Variants in CCDC125 observed in about 807,000 individuals in gnomAD.
The protein encoded by CCDC125 is coiled-coil domain-containing protein 125.
Under a neutral mutation model 57.4 loss-of-function variants are expected in CCDC125, and 43 were observed. The ratio of observed to expected loss-of-function variants is 0.75; its 90% CI spans 0.59 to 0.97. CCDC125 has a LOEUF of 0.97. Ranked by LOEUF, CCDC125 falls within the 50% of genes least tolerant of loss-of-function variation. The pLI is 0.00. For synonymous variants in CCDC125, 187 were observed against 195.2 expected, an observed-to-expected ratio of 0.96 and a Z score of 0.35; for missense variants, 563 against 595.7, an observed-to-expected ratio of 0.95 and a Z score of 0.57.
intron 7 of CCDC125, among the ~76,000 whole-genome samples, chr5:69,300,780 T>C (rs972948617): frequency 6.6e-6 from 1 of 151,754 alleles, no homozygotes; most frequent in East Asian, 1.9e-4. Context: ...CTGGAGGCGT[T>C]TATACAACTC....
intron 8 of CCDC125, among the ~76,000 whole-genome samples, chr5:69,298,464 G>C (rs1212003776): frequency 6.6e-6 from 1 of 152,230 alleles, no homozygotes; most frequent in African/African-American, 2.4e-5. Flanking sequence ...GAAGCACGGA[G>C]TGAGCTTTCA....
intron 1 of CCDC125, among the ~76,000 whole-genome samples, chr5:69,330,413 G>A (rs1761270340): frequency 6.6e-6 from 1 of 152,010 alleles, no homozygotes; most frequent in South Asian, 2.1e-4. Flanking sequence ...GGCCAACATA[G>A]TGAAACCCTG....
intron 2 of CCDC125, among the ~76,000 whole-genome samples, chr5:69,318,554 C>T (rs1249774827): frequency 6.7e-6 from 1 of 149,126 alleles, no homozygotes; most frequent in Non-Finnish European, 1.5e-5. Context: ...ACCAACCTGG[C>T]CAACGTGGTG....
chr5:69,312,458 C>T lies in CCDC125; in HGVS notation c.367-1254G>A, dbSNP rs377634646. Among the ~76,000 whole-genome samples, 14 of 152,254 alleles carry T rather than the reference C, an allele frequency of 9.2e-5. 1 individual carries two copies. The South Asian group carries it at 2.9e-3, about 32-fold the overall frequency. Reference sequence around the variant, plus strand: ...CCCAAACACACAGTAAGGTGGGCTTCCTATTTCCCAAAGGACAGACACCCC... The same window carrying T: ...CCCAAACACACAGTAAGGTGGGCTTTCTATTTCCCAAAGGACAGACACCCC... On this transcript the variant is annotated intron_variant, in intron 3 of 11. Transcript: ENST00000396496.
intron 10 of CCDC125, among the ~76,000 whole-genome samples, chr5:69,291,039 A>G (rs994899878): frequency 6.6e-6 from 1 of 152,242 alleles, no homozygotes; most frequent in Admixed American, 6.5e-5. Flanking sequence ...AAGAGATGTT[A>G]GAATTATAGA....
chr5:69,285,331 A>C lies in CCDC125; in HGVS notation c.1230+6T>G. Reference sequence around the variant, plus strand: ...ATAACCTGCAAAAAAAAGCAAAGACACTAACCAAATCTATGAGCATCTTAA... The same window carrying C: ...ATAACCTGCAAAAAAAAGCAAAGACCCTAACCAAATCTATGAGCATCTTAA... On this transcript the variant is annotated splice_donor_region_variant and intron_variant, in intron 11 of 11. Coordinates refer to ENST00000396496, the MANE Select transcript of CCDC125 (RefSeq NM_176816.5). 2 of 1,609,388 alleles carry C rather than the reference A, an allele frequency of 1.2e-6. No individual in the cohort carries two copies. Among genetic ancestry groups the C allele is most frequent in the Non-Finnish European group, 1.7e-6 (2 of 1,178,748 alleles).
chr5:69,275,583 G>A (rs571659810), downstream of CCDC125, among the ~76,000 whole-genome samples: 5 of 152,218 alleles, frequency 3.3e-5, no homozygotes, highest in South Asian at 6.2e-4. Flanking sequence ...GAATGATGAC[G>A]TGATGCCACA....
Position 69,285,375 on chromosome 5 carries a change from C to G in CCDC125, c.1192G>C (p.Asp398His), listed in dbSNP as rs780661362. The G allele has an allele frequency of 6.2e-7, 1 of 1,612,732 alleles. No homozygotes were observed. Among genetic ancestry groups the G allele is most frequent in the Non-Finnish European group, 8.5e-7 (1 of 1,179,636 alleles). The stretch of plus-strand genomic sequence containing the variant: ...ATCTTAAGGACCTCTTGAGGACTGT[C>G]CTGGTCTTCCATCCTCTTAGAACTG... ...ENSSKRMEDQ[D>H]SPQEVLKMLI... is the part of the protein sequence containing the mutation. Residue 398 changes from aspartate to histidine, a missense_variant, in exon 11 of 12, where the codon GAC becomes CAC. Transcript: ENST00000396496.
chr5:69,296,203 A>C (rs1755295271), intron 8 of CCDC125, among the ~76,000 whole-genome samples: 1 of 151,378 alleles, frequency 6.6e-6, no homozygotes, highest in Admixed American at 6.6e-5. Flanking sequence ...CTTCTTTGGA[A>C]TCTGTGGCTC....
At chr5:69,321,935 C>T (rs1760087325) in intron 1 of CCDC125, among the ~76,000 whole-genome samples, 1 of 152,056 alleles carries the variant, frequency 6.6e-6, no homozygotes. Context: ...CTCCCGGGTT[C>T]AAGCGATTAT....
Position 69,314,030 on chromosome 5 carries a change from T to C in CCDC125, c.321A>G (p.Glu107=). Residue 107 remains glutamate, a synonymous_variant, in exon 3 of 12, where the codon GAA becomes GAG. Coordinates refer to ENST00000396496, the MANE Select transcript of CCDC125 (RefSeq NM_176816.5). ...ATTGCCTTAATTCTTCATTTGACAATTCTGAATTCGAATCTACTTGGGAGG... is the reference window on the plus strand; with the variant it reads ...ATTGCCTTAATTCTTCATTTGACAACTCTGAATTCGAATCTACTTGGGAGG... ...RQSSTVDSNS[E]LSNEELRQCL... is the part of the protein sequence containing the mutation. 6.2e-7 allele frequency: 1 copy of C among 1,609,536 alleles called. No homozygotes were observed. The highest frequency in any genetic ancestry group is 8.5e-7 in the Non-Finnish European group (1 of 1,175,826).
chr5:69,287,432 T>G (rs1753697908), intron 10 of CCDC125, among the ~76,000 whole-genome samples: 1 of 150,460 alleles, frequency 6.6e-6, no homozygotes, highest in South Asian at 2.1e-4. Flanking sequence ...CCCAGCCAAT[T>G]TTGTATTTTT....
intron 2 of CCDC125, among the ~76,000 whole-genome samples, chr5:69,318,304 G>A (rs1008834545): frequency 6.6e-5 from 10 of 151,890 alleles, no homozygotes; most frequent in East Asian, 2.0e-4. Context: ...TAAATTAGCC[G>A]GATATGGTGG....
chr5:69,314,668 G>A (rs543301496), intron 2 of CCDC125, among the ~76,000 whole-genome samples: 36 of 152,248 alleles, frequency 2.4e-4, no homozygotes, highest in African/African-American at 8.7e-4. Context: ...TTAGCTAGAT[G>A]TGGTGATGTG....
intron 8 of CCDC125, among the ~76,000 whole-genome samples, chr5:69,296,572 C>G (rs186245973): frequency 6.6e-6 from 1 of 151,484 alleles, no homozygotes; most frequent in Non-Finnish European, 1.5e-5. Flanking sequence ...AAATAATAAA[C>G]TAGATTCTGA....
chr5:69,306,919 G>C lies in CCDC125; in HGVS notation c.532-17C>G, dbSNP rs6881767. ...ATTTATTTCCTATGGAAAGAAAATAGTACCTTCATGGCAAATTACTACAAA... is the reference window on the plus strand; with the variant it reads ...ATTTATTTCCTATGGAAAGAAAATACTACCTTCATGGCAAATTACTACAAA... On this transcript the variant is annotated splice_polypyrimidine_tract_variant and intron_variant, in intron 5 of 11. Transcript: ENST00000396496. 0.44 allele frequency: 652,571 copies of C among 1,471,778 alleles called. 146,213 individuals carry two copies. Among genetic ancestry groups the C allele is most frequent in the East Asian group, 0.47 (18,563 of 39,588 alleles). The allele number at this position is 1,471,778 out of a possible 1,614,324, so 91.2% of individuals were successfully genotyped here.
At chr5:69,314,601 T>C (rs1252730302) in intron 2 of CCDC125, among the ~76,000 whole-genome samples, 1 of 151,442 alleles carries the variant, frequency 6.6e-6, no homozygotes, top group African/African-American at 2.4e-5. Flanking sequence ...AGGCCAGGAG[T>C]TAGAAACAAG....
rs375274393 is a variant in CCDC125 at position 69,328,841 on chromosome 5, T to G, written c.-41+3808A>C. ...TGGAGTCTCGCTTTGTCACCCAGGC[T>G]GGAGTGCAGTGGCGCCATCTCACCT... On this transcript the variant is annotated intron_variant, in intron 1 of 11. Transcript: ENST00000396496. 4.0e-4 allele frequency among the ~76,000 whole-genome samples: 61 copies of G among 152,110 alleles called. No individual in the cohort carries two copies. The East Asian group carries it at 7.5e-3, about 19-fold the overall frequency.
chr5:69,327,157 A>G lies in CCDC125; in HGVS notation c.-41+5492T>C, dbSNP rs896911779. 1.3e-3 allele frequency among the ~76,000 whole-genome samples: 190 copies of G among 145,724 alleles called. 2 individuals are homozygous for G. Among genetic ancestry groups the G allele is most frequent in the African/African-American group, 4.8e-3 (185 of 38,722 alleles). ...TCGCCCAGGCTGGAGTGCCCTGGCG[A>G]GATCTCGGCTCACTGCAAGCTCCGC... On this transcript the variant is annotated intron_variant, in intron 1 of 11. Transcript: ENST00000396496.
Sources: gnomAD v4.1 joint callset for allele counts (sites outside exome capture counted in the v4.1 genomes callset) on GRCh38, gnomAD v4.1.1 for gene constraint, MANE v1.5 for transcripts, NCBI Gene and HGNC (gene_info 2026-07-23, HGNC 2026-07-21) for gene names.